Variants in VILL observed in about 807,000 individuals in gnomAD.
The protein encoded by VILL is villin-like protein.
A neutral mutation model predicts 106.3 loss-of-function variants in VILL; 102 were observed. The observed-to-expected ratio is 0.96, with a 90% CI of 0.82 to 1.13. The LOEUF (loss-of-function observed/expected upper bound fraction) is 1.13. Ranked by LOEUF, VILL falls within the 50% of genes most tolerant of loss-of-function variation. The probability of loss-of-function intolerance (pLI) is 0.00; values close to 1 mark genes in which losing one functional copy is unlikely to be tolerated. For synonymous variants in VILL, 431 were observed against 440.3 expected, an observed-to-expected ratio of 0.98 and a Z score of 0.27; for missense variants, 1,076 against 1,116.6, an observed-to-expected ratio of 0.96 and a Z score of 0.52.
In VILL at chr3:38,006,498, G is replaced by T. The variant is rs756330449; in HGVS notation, c.2255G>T (p.Gly752Val). Residue 752 changes from glycine to valine, a missense_variant, in exon 19 of 20, where the codon GGT becomes GTT. Physicochemically the swap from Gly to Val is moderately radical, Grantham distance 109. Coordinates refer to ENST00000383759, the MANE Select transcript of VILL (RefSeq NM_015873.4). The stretch of plus-strand genomic sequence containing the variant: ...AGATGGCCGGGCAATGGCAGGGCAG[G>T]TGCCGTGGCCCTGCAGGCCCTCAAG... ...LSRWPGNGRA[G>V]AVALQALKGS... 16 of 1,609,782 alleles carry T rather than the reference G, an allele frequency of 9.9e-6. No homozygotes were observed. Among genetic ancestry groups the T allele is most frequent in the Non-Finnish European group, 1.3e-5 (15 of 1,176,600 alleles).
chr3:38,006,946 A>C lies in VILL; in HGVS notation c.2462A>C (p.Tyr821Ser), dbSNP rs773485465. 1.3e-5 allele frequency: 21 copies of C among 1,613,670 alleles called. No individual in the cohort carries two copies. The highest frequency in any genetic ancestry group is 3.3e-5 in the Admixed American group (2 of 59,998). ...CCCCCTCTCTCCCCTGCCCAGTTCT[A>C]TCTCTCAGACTCTGACTTCCAAGAT... ...EGVDPARREF[Y>S]LSDSDFQDIF... is the part of the protein sequence containing the mutation. Residue 821 changes from tyrosine (Y) to serine (S), a missense_variant, in exon 20 of 20, where the codon TAT (tyrosine) becomes TCT (serine). Physicochemically the swap from Tyr to Ser is moderately radical, Grantham distance 144 (BLOSUM62 -2). Coordinates refer to ENST00000383759, the MANE Select transcript of VILL (RefSeq NM_015873.4).
At chr3:37,993,820 C>G (rs1699647558) in intron 2 of VILL, 78 bp from the exon 3 acceptor site, 2 of 1,604,346 alleles carry the variant, frequency 1.2e-6, no homozygotes, top group Non-Finnish European at 1.7e-6. Flanking sequence ...CAACTCAGAG[C>G]GTCCTCTTCC....
chr3:38,007,093 C>A lies in VILL; in HGVS notation c.*38C>A. On this transcript the variant is annotated 3_prime_UTR_variant, in exon 20 of 20. Coordinates refer to ENST00000383759, the MANE Select transcript of VILL (RefSeq NM_015873.4). ...TCGACTGCCCCTATCCCCTGGACCC[C>A]AACATACCTACAATGCTGGGGAGGC... is the stretch of plus-strand genomic sequence containing the variant. 3 of 1,542,528 alleles carry A rather than the reference C, an allele frequency of 1.9e-6. No individual in the cohort carries two copies. The highest frequency in any genetic ancestry group is 2.2e-5 in the South Asian group (2 of 89,280).
Position 37,997,385 on chromosome 3 carries a change from C to A in VILL, c.562-98C>A. 1 of 1,359,510 alleles carries A rather than the reference C, an allele frequency of 7.4e-7. No homozygotes were observed. Among genetic ancestry groups the A allele is most frequent in the Non-Finnish European group, 1.0e-6 (1 of 976,602 alleles). 84.2% of individuals were successfully genotyped at this position (1,359,510 alleles called of 1,614,324 possible). ...CCAGGATGAGGGGACATCAGCCCTT[C>A]TCCCCATCAGCCTCTGGGAGCTGAG... On this transcript the variant is annotated intron_variant, in intron 6 of 19. Transcript: ENST00000383759. This position sits in a 1 kb window ranked among gnomAD's most constrained non-coding sequence, Gnocchi z 4.7.
In VILL at chr3:38,005,774, G is replaced by A; in HGVS notation, c.1951-18G>A. 6.3e-7 allele frequency: 1 copy of A among 1,597,836 alleles called. No individual in the cohort carries two copies. Among genetic ancestry groups the A allele is most frequent in the Non-Finnish European group, 8.5e-7 (1 of 1,171,638 alleles). On this transcript the variant is annotated intron_variant, in intron 16 of 19. Coordinates refer to ENST00000383759, the MANE Select transcript of VILL (RefSeq NM_015873.4). ...AGCCCCTCCACCTGCCCAAGGCCAG[G>A]TCCCCTCTGTGGCTCAGATCTTCCT...
At chr3:37,991,491 GAGAGGGGAAATC>G (rs1028821096) in intron 1 of VILL, among the ~76,000 whole-genome samples, 1 of 151,562 alleles carries the variant, frequency 6.6e-6, no homozygotes, top group African/African-American at 2.4e-5. Flanking sequence ...GATCCCAGGG[GAGAGGGGAAATC>G]AGAGGGGAGA....
At chr3:37,988,947 A>G (rs959023438), upstream of VILL, among the ~76,000 whole-genome samples, 1 of 152,222 alleles carries the variant, frequency 6.6e-6, no homozygotes, top group Non-Finnish European at 1.5e-5. Flanking sequence ...TGAAAAAAAG[A>G]TTTTTTATAT....
intron 18 of VILL, 53 bp from the exon 19 acceptor site, chr3:38,006,396 C>T: frequency 1.3e-6 from 2 of 1,580,126 alleles, no homozygotes; most frequent in South Asian, 2.3e-5. Context: ...TGCAGCCTCC[C>T]TGTGGGCTAC....
intron 17 of VILL, 43 bp downstream of exon 17, chr3:38,006,017 G>A: frequency 6.3e-7 from 1 of 1,593,628 alleles, no homozygotes; most frequent in South Asian, 1.1e-5. Context: ...TAATTTGTGG[G>A]GAGAGGAACC....
chr3:38,002,238 A>C (rs1237906775), intron 13 of VILL, 158 bp from the exon 14 acceptor site: 3 of 686,838 alleles, frequency 4.4e-6, no homozygotes, highest in Non-Finnish European at 7.2e-6. Flanking sequence ...CCTGCACTCC[A>C]CACTTAGAGG....
intron 15 of VILL, chr3:38,004,051 G>A: frequency 1.8e-6 from 1 of 567,302 alleles, no homozygotes; most frequent in South Asian, 3.2e-5. Context: ...CAGCTGGGTG[G>A]GGCGAGAGCT....
intron 11 of VILL, chr3:38,000,838 G>A: frequency 2.2e-6 from 1 of 456,366 alleles, no homozygotes; most frequent in Non-Finnish European, 4.4e-6. Flanking sequence ...CTGCCATGCA[G>A]AGGTGAGGTA....
intron 16 of VILL, among the ~76,000 whole-genome samples, chr3:38,004,987 G>A (rs1423894566): frequency 2.0e-5 from 3 of 152,186 alleles, no homozygotes; most frequent in African/African-American, 4.8e-5. Flanking sequence ...CCGGGTGTGC[G>A]TGGCTGTGTA....
chr3:37,996,962 C>T, intron 5 of VILL, 115 bp from the exon 6 acceptor site: 2 of 830,270 alleles, frequency 2.4e-6, no homozygotes, highest in South Asian at 3.0e-5. Flanking sequence ...GTCACACATG[C>T]CTACGTACAC....
intron 1 of VILL, among the ~76,000 whole-genome samples, chr3:37,991,834 C>T (rs112353192): frequency 0.042 from 6,426 of 151,558 alleles, 137 homozygotes; most frequent in African/African-American, 0.048. Flanking sequence ...GGCAGGAGGG[C>T]TTGGGAGGCT....
Position 38,002,492 on chromosome 3 carries a change from G to A in VILL, c.1576G>A (p.Val526Met), listed in dbSNP as rs370272596. 6 of 1,614,168 alleles carry A rather than the reference G, an allele frequency of 3.7e-6. No homozygotes were observed. Among genetic ancestry groups the A allele is most frequent in the South Asian group, 1.1e-5 (1 of 91,084 alleles). Residue 526 changes from valine (V) to methionine (M), a missense_variant, in exon 14 of 20, where the codon GTG (valine) becomes ATG (methionine). Val to Met is a conservative substitution (Grantham distance 21). Transcript: ENST00000383759. Reference protein sequence around the residue: ...TDSHNTRTMEVPARASSLNSS... With the variant: ...TDSHNTRTMEMPARASSLNSS... ...CAGCCACAACACCAGGACCATGGAGGTGCCAGCCCGTGCCTCATCCCTCAA... is the reference window on the plus strand; with the variant it reads ...CAGCCACAACACCAGGACCATGGAGATGCCAGCCCGTGCCTCATCCCTCAA...
chr3:37,990,052 G>A (rs1699591001), upstream of VILL, among the ~76,000 whole-genome samples: 1 of 152,218 alleles, frequency 6.6e-6, no homozygotes, highest in South Asian at 2.1e-4. The surrounding 1 kb of genome is among the most constrained non-coding windows in gnomAD (Gnocchi z 5.1). Context: ...CACGCTGGCT[G>A]GGCCTTGGCT....
intron 5 of VILL, among the ~76,000 whole-genome samples, 175 bp downstream of exon 5, chr3:37,996,022 C>T (rs1183531171): frequency 6.6e-6 from 1 of 152,170 alleles, no homozygotes; most frequent in African/African-American, 2.4e-5. Context: ...CCCACTTCTG[C>T]CACTGCTCCC....
chr3:38,004,599 G>A (rs1017892106), intron 16 of VILL, among the ~76,000 whole-genome samples, 200 bp downstream of exon 16: 1 of 152,180 alleles, frequency 6.6e-6, no homozygotes, highest in East Asian at 1.9e-4. Context: ...GTGAGACTCC[G>A]GGAGATTAGG....
Sources: gnomAD v4.1 joint callset for allele counts (sites outside exome capture counted in the v4.1 genomes callset) on GRCh38, gnomAD v4.1.1 for gene constraint, Gnocchi (gnomAD v3.1) non-coding constraint, MANE v1.5 for transcripts, NCBI Gene and HGNC (gene_info 2026-07-23, HGNC 2026-07-21) for gene names.